Variants in SH3RF3 observed in about 807,000 individuals in gnomAD.
The protein encoded by SH3RF3 is E3 ubiquitin-protein ligase SH3RF3.
Under a neutral mutation model 66.3 loss-of-function variants are expected in SH3RF3, and 29 were observed. The observed-to-expected ratio is 0.44, with a 90% CI of 0.33 to 0.60. The LOEUF (loss-of-function observed/expected upper bound fraction) is 0.60. SH3RF3 is among the 20% of genes least tolerant of loss of function. The pLI is 0.04. For synonymous variants in SH3RF3, 583 were observed against 532.0 expected (o/e 1.10, Z -1.32); for missense variants, 1,194 against 1,190.9 (o/e 1.00, Z -0.04).
intron 1 of SH3RF3, among the ~76,000 whole-genome samples, chr2:109,204,534 G>C (rs146740315): frequency 6.6e-6 from 1 of 152,076 alleles, no homozygotes; most frequent in Non-Finnish European, 1.5e-5. Context: ...ATATATTTGT[G>C]TGCAATGTAC....
chr2:109,479,319 AG>A (rs1678772192), intron 8 of SH3RF3, among the ~76,000 whole-genome samples: 2 of 152,086 alleles, frequency 1.3e-5, no homozygotes, highest in South Asian at 2.1e-4. Flanking sequence ...CTTTTTGTAG[AG>A]GGGGGCTAGT....
At position 109,419,705 on chromosome 2, in the gene SH3RF3, A is replaced by G. The variant is rs114513007; in HGVS notation, c.1403+63A>G. 1,685 of 1,474,930 alleles carry G rather than the reference A, an allele frequency of 1.1e-3. 24 individuals carry two copies. In the African/African-American group the frequency reaches 0.02, roughly 18 times the overall value. 91.4% of individuals were successfully genotyped at this position (1,474,930 alleles called of 1,614,324 possible). A position where few individuals can be genotyped will look rare whatever the true frequency, so the allele number is the denominator to read the frequency against. On this transcript the variant is annotated intron_variant, in intron 5 of 9. Coordinates refer to ENST00000309415, the MANE Select transcript of SH3RF3 (RefSeq NM_001099289.3). ...GCAGCCCTCCCTCCTGCCTGGGCTG[A>G]CCTGTCCACGTGTGGTTTCCGCAGG...
intron 5 of SH3RF3, among the ~76,000 whole-genome samples, chr2:109,425,675 C>A (rs755756911): frequency 6.7e-6 from 1 of 149,656 alleles, no homozygotes; most frequent in Non-Finnish European, 1.5e-5. Context: ...TATTGTAAGT[C>A]CATTGTCAAG....
At chr2:109,196,019 C>T (rs937059805) in intron 1 of SH3RF3, among the ~76,000 whole-genome samples, 1 of 152,232 alleles carries the variant, frequency 6.6e-6, no homozygotes, top group African/African-American at 2.4e-5. Context: ...AATCTGTACG[C>T]ACACCTGTTT....
At chr2:109,320,086 C>T (rs1417306477) in intron 1 of SH3RF3, among the ~76,000 whole-genome samples, 1 of 152,172 alleles carries the variant, frequency 6.6e-6, no homozygotes, top group South Asian at 2.1e-4. Context: ...CTTATGGTCC[C>T]TTCCTTAGGC....
intron 7 of SH3RF3, among the ~76,000 whole-genome samples, chr2:109,437,582 G>A (rs1677439490): frequency 6.6e-6 from 1 of 152,208 alleles, no homozygotes; most frequent in South Asian, 2.1e-4. Flanking sequence ...GCCGGGCCCT[G>A]CAGGGCTTCC....
chr2:109,344,517 T>A (rs1350578173), intron 1 of SH3RF3, among the ~76,000 whole-genome samples: 1 of 152,224 alleles, frequency 6.6e-6, no homozygotes, highest in African/African-American at 2.4e-5. Context: ...TCGGATCCCC[T>A]GAGGTCATCA....
At chr2:109,427,160 G>T (rs1173584531) in intron 5 of SH3RF3, among the ~76,000 whole-genome samples, 1 of 151,866 alleles carries the variant, frequency 6.6e-6, no homozygotes, top group African/African-American at 2.4e-5. Context: ...GTAGAGACGG[G>T]GTTTCACCAT....
chr2:109,180,555 T>G (rs1168592839), intron 1 of SH3RF3, among the ~76,000 whole-genome samples: 1 of 152,188 alleles, frequency 6.6e-6, no homozygotes, highest in Non-Finnish European at 1.5e-5. Context: ...CAGTGGGAGA[T>G]AATTGAATCA....
At position 109,496,688 on chromosome 2, in the gene SH3RF3, C is replaced by G. The variant is rs145607484; in HGVS notation, c.2481-4815C>G. On this transcript the variant is annotated intron_variant, in intron 9 of 9. Coordinates refer to ENST00000309415, the MANE Select transcript of SH3RF3 (RefSeq NM_001099289.3). ...GGATTTCAGCGTTCCTTGATCTGATCCATTATGTGTGTGGTGAGCAGAATA... is the reference window on the plus strand; with the variant it reads ...GGATTTCAGCGTTCCTTGATCTGATGCATTATGTGTGTGGTGAGCAGAATA... Among the ~76,000 whole-genome samples, 674 of 152,242 alleles carry G rather than the reference C, an allele frequency of 4.4e-3. 5 individuals are homozygous for G. The highest frequency in any genetic ancestry group is 0.015 in the African/African-American group (634 of 41,520).
intron 1 of SH3RF3, among the ~76,000 whole-genome samples, chr2:109,194,893 A>G (rs1678459269): frequency 6.6e-6 from 1 of 152,142 alleles, no homozygotes; most frequent in South Asian, 2.1e-4. Context: ...TAAAAATGCT[A>G]CTTGGAAAAG....
chr2:109,357,174 GTTTTTT>G (rs930829016), intron 2 of SH3RF3, among the ~76,000 whole-genome samples: 1 of 150,058 alleles, frequency 6.7e-6, no homozygotes, highest in African/African-American at 2.5e-5. Context: ...ATATATTCTT[GTTTTTT>G]GTTTTTTGGT....
chr2:109,295,750 C>T (rs1315814689), intron 1 of SH3RF3, among the ~76,000 whole-genome samples: 2 of 152,132 alleles, frequency 1.3e-5, no homozygotes, highest in Non-Finnish European at 2.9e-5. Context: ...ACCTGAATCT[C>T]CCATGGTTGT....
At chr2:109,136,713 T>C (rs1386260078) in intron 1 of SH3RF3, among the ~76,000 whole-genome samples, 1 of 152,198 alleles carries the variant, frequency 6.6e-6, no homozygotes, top group Admixed American at 6.5e-5. Context: ...TATGATGGTA[T>C]TTGCATTTCC....
At chr2:109,277,556 C>T (rs1363881851) in intron 1 of SH3RF3, among the ~76,000 whole-genome samples, 2 of 152,184 alleles carry the variant, frequency 1.3e-5, no homozygotes. Context: ...GAAAGTGCCT[C>T]CCTGAGACTT....
At chr2:109,426,642 G>T (rs1677034476) in intron 5 of SH3RF3, among the ~76,000 whole-genome samples, 1 of 152,200 alleles carries the variant, frequency 6.6e-6, no homozygotes, top group African/African-American at 2.4e-5. Flanking sequence ...ACAACAAAGA[G>T]TTTAGAATAG....
At position 109,496,927 on chromosome 2, in the gene SH3RF3, G is replaced by A. The variant is rs577688247; in HGVS notation, c.2481-4576G>A. On this transcript the variant is annotated intron_variant, in intron 9 of 9. Coordinates refer to ENST00000309415, the MANE Select transcript of SH3RF3 (RefSeq NM_001099289.3). ...AGAGGCAGAGGAGAAGGTCAGAGTG[G>A]CATGATGTGAGCACTCCCCTTTGAA... Among the ~76,000 whole-genome samples, 4 of 152,278 alleles carry A rather than the reference G, an allele frequency of 2.6e-5. No homozygotes were observed. In the South Asian group the frequency reaches 8.3e-4, roughly 32 times the overall value.
rs72943378 is a variant in SH3RF3, at chr2:109,373,805, A to G, written c.945+2124A>G. ...AAGCTAAGAGCAAATCTTAAAGGAC[A>G]GGTAAGATCTTACCAAGGCAGCTGA... On this transcript the variant is annotated intron_variant, in intron 3 of 9. Transcript: ENST00000309415. 8.1e-3 allele frequency among the ~76,000 whole-genome samples: 1,233 copies of G among 152,324 alleles called. 14 individuals carry two copies. Among genetic ancestry groups the G allele is most frequent in the African/African-American group, 0.029 (1,185 of 41,572 alleles).
At chr2:109,217,104 G>C (rs1277364214) in intron 1 of SH3RF3, among the ~76,000 whole-genome samples, 4 of 152,132 alleles carry the variant, frequency 2.6e-5, no homozygotes, top group Non-Finnish European at 1.5e-5. Flanking sequence ...GTGTGTGTCA[G>C]ATCTCCTTCC....
Sources: gnomAD v4.1 joint callset for allele counts (sites outside exome capture counted in the v4.1 genomes callset) on GRCh38, gnomAD v4.1.1 for gene constraint, MANE v1.5 for transcripts, NCBI Gene and HGNC (gene_info 2026-07-23, HGNC 2026-07-21) for gene names.